The following DLEC1 variants were observed in gnomAD, a reference collection of about 807,000 sequenced individuals.
DLEC1 encodes the protein DLEC1 cilia and flagella associated protein, also known as deleted in lung and esophageal cancer protein 1.
DLEC1 carries 146 observed loss-of-function variants against 198.1 expected under a neutral mutation model. The observed-to-expected ratio is 0.74, with a 90% CI of 0.64 to 0.85. The LOEUF is 0.85. DLEC1 is among the 40% of genes least tolerant of loss of function. The pLI is 0.00. For synonymous variants in DLEC1, 897 were observed against 866.8 expected (o/e 1.03, Z -0.61); for missense variants, 2,233 against 2,220.0 (o/e 1.01, Z -0.12).
chr3:38,086,145 T>C, intron 8 of DLEC1, 96 bp from the exon 9 acceptor site: 1 of 1,502,138 alleles, frequency 6.7e-7, no homozygotes, highest in Non-Finnish European at 9.0e-7. Flanking sequence ...GGACCAGCTG[T>C]CCTGATCTCT....
At chr3:38,070,562 C>T (rs1262058465) in intron 6 of DLEC1, among the ~76,000 whole-genome samples, 1 of 152,182 alleles carries the variant, frequency 6.6e-6, no homozygotes, top group Non-Finnish European at 1.5e-5. Flanking sequence ...TTTTAATCAC[C>T]TGGGTGCAGG....
At chr3:38,079,965 C>T (rs981223103) in intron 6 of DLEC1, among the ~76,000 whole-genome samples, 13 of 151,894 alleles carry the variant, frequency 8.6e-5, no homozygotes, top group African/African-American at 2.2e-4. Context: ...ATGTCAGGAG[C>T]GGATTGGGTA....
At chr3:38,064,180 C>T (rs1696866785) in intron 6 of DLEC1, among the ~76,000 whole-genome samples, 1 of 151,836 alleles carries the variant, frequency 6.6e-6, no homozygotes, top group South Asian at 2.1e-4. Flanking sequence ...GTTTGTGTCC[C>T]TGGGTACTTG....
At chr3:38,100,069 T>C (rs1699226769) in intron 18 of DLEC1, among the ~76,000 whole-genome samples, 2 of 152,210 alleles carry the variant, frequency 1.3e-5, no homozygotes, top group African/African-American at 2.4e-5. Context: ...CTCTGACTTA[T>C]GTATTCCTTT....
rs146986613 is a variant in DLEC1 at position 38,123,622 on chromosome 3, G to A, written c.*1210G>A. 4 of 157,170 alleles carry A rather than the reference G, an allele frequency of 2.5e-5. No homozygotes were observed. Among genetic ancestry groups the A allele is most frequent in the African/African-American group, 9.6e-5 (4 of 41,616 alleles). 9.7% of individuals were successfully genotyped at this position (157,170 alleles called of 1,614,324 possible). ...GCAGGCTGAGGCAAGAGGATCACTT[G>A]TGCCTAGGAGTTCAAGACCAGCCTA... is the stretch of plus-strand genomic sequence containing the variant. On this transcript the variant is annotated 3_prime_UTR_variant, in exon 37 of 37. Transcript: ENST00000308059.
chr3:38,076,774 C>T (rs1312474354), intron 6 of DLEC1, among the ~76,000 whole-genome samples: 2 of 152,056 alleles, frequency 1.3e-5, no homozygotes, highest in African/African-American at 2.4e-5. Flanking sequence ...AAAAATAAAA[C>T]AAAATAGTGG....
intron 6 of DLEC1, among the ~76,000 whole-genome samples, chr3:38,082,984 C>T (rs1698138044): frequency 6.6e-6 from 1 of 151,568 alleles, no homozygotes; most frequent in South Asian, 2.1e-4. Context: ...TTTGTCTCTA[C>T]CAGAAAATGA....
rs749767723 is a variant in DLEC1 at position 38,084,185 on chromosome 3, A to G, written c.1201A>G (p.Thr401Ala). 10 of 1,612,962 alleles carry G rather than the reference A, an allele frequency of 6.2e-6. No individual in the cohort carries two copies. The highest frequency in any genetic ancestry group is 5.9e-6 in the Non-Finnish European group (7 of 1,179,418). ...EMVIALQNTT[T>A]TSRYLRVLPP... ...GGTAATTGCGCTGCAGAACACCACC[A>G]CGACCAGCCGCTACCTGCGAGTCCT... Residue 401 changes from threonine to alanine, a missense_variant, in exon 7 of 37, where the codon ACG becomes GCG. By Grantham distance (58) the Thr-to-Ala change is moderately conservative. Transcript: ENST00000308059.
chr3:38,101,835 G>A (rs895589677), intron 19 of DLEC1, among the ~76,000 whole-genome samples: 7 of 152,164 alleles, frequency 4.6e-5, no homozygotes, highest in African/African-American at 1.7e-4. Context: ...AGATGTGAAG[G>A]CTAAGTCTGC....
At chr3:38,063,995 T>TA in intron 6 of DLEC1, 76 bp downstream of exon 6, 3 of 1,038,534 alleles carry the variant, frequency 2.9e-6, no homozygotes, top group Non-Finnish European at 4.2e-6. Flanking sequence ...ATGGAAATTT[T>TA]CTTTTTTTTT....
Position 38,122,355 on chromosome 3 carries a change from G to A in DLEC1, c.5211G>A (p.Leu1737=). The change falls in exon 37 of 37, where the codon CTG becomes CTA. Residue 1737 remains leucine, a synonymous_variant. Coordinates refer to ENST00000308059, the MANE Select transcript of DLEC1 (RefSeq NM_007335.4). ...TGCTCGGTGAGAAGTCCTGCACCCT[G>A]CGGCTCCGGGGCCAAGGCTCCTATG... ...EGVLGEKSCT[L]RLRGQGSYDE... is the part of the protein sequence containing the mutation. The A allele has an allele frequency of 6.2e-7, 1 of 1,614,184 alleles. No individual in the cohort carries two copies. The highest frequency in any genetic ancestry group is 8.5e-7 in the Non-Finnish European group (1 of 1,180,036).
At chr3:38,117,732 C>T in intron 32 of DLEC1, 74 bp from the exon 33 acceptor site, 1 of 1,592,338 alleles carries the variant, frequency 6.3e-7, no homozygotes, top group South Asian at 1.1e-5. Flanking sequence ...GCCCTCCCAG[C>T]CCTACCCTAG....
chr3:38,063,185 A>G lies in DLEC1; in HGVS notation c.1094+384A>G, dbSNP rs1043524324. Among the ~76,000 whole-genome samples, 76 of 152,376 alleles carry G rather than the reference A, an allele frequency of 5.0e-4. 2 individuals are homozygous for G. In the Middle Eastern group the frequency reaches 0.01, roughly 20 times the overall value. On this transcript the variant is annotated intron_variant, in intron 5 of 36. Transcript: ENST00000308059. Reference sequence around the variant, plus strand: ...TTTCTTTAAGAGTGCCTTTGCCTATATATCAGTAACTGTCCTTATGAAAGT... The same window carrying G: ...TTTCTTTAAGAGTGCCTTTGCCTATGTATCAGTAACTGTCCTTATGAAAGT...
chr3:38,108,562 C>A, intron 21 of DLEC1, 47 bp downstream of exon 21: 1 of 1,462,458 alleles, frequency 6.8e-7, no homozygotes, highest in Non-Finnish European at 9.5e-7. Flanking sequence ...GGCACCCTGC[C>A]AACCATACGC....
chr3:38,122,145 G>A lies in DLEC1; in HGVS notation c.5095G>A (p.Ala1699Thr), dbSNP rs199840504. The A allele has an allele frequency of 8.3e-4, 1,338 of 1,613,972 alleles. 2 individuals carry two copies. Among genetic ancestry groups the A allele is most frequent in the Non-Finnish European group, 1.0e-3 (1,235 of 1,179,990 alleles). The change falls in exon 36 of 37, where the codon GCC (alanine) becomes ACC (threonine). Residue 1699 changes from alanine to threonine, a missense_variant. Transcript: ENST00000308059. ...CAGTGGGCTGCTAGAAGCACGATCC[G>A]CCAATGCACCCCCAACCTCCATCGC... The part of the protein sequence containing the change: ...PNSGLLEARS[A>T]NAPPTSIALQ...
chr3:38,118,831 C>T (rs1031615186), intron 33 of DLEC1, among the ~76,000 whole-genome samples: 4 of 152,146 alleles, frequency 2.6e-5, no homozygotes, highest in African/African-American at 9.7e-5. Flanking sequence ...ATTTCCAGAG[C>T]CTCAGTGAAC....
chr3:38,122,716 A>C lies in DLEC1; in HGVS notation c.*304A>C. On this transcript the variant is annotated 3_prime_UTR_variant, in exon 37 of 37. Transcript: ENST00000308059. ...GGAAAAAAACCACAGCCACTAAGAT[A>C]AATTCATGCACTTTTACTATGCCCA... 1 of 1,370,924 alleles carries C rather than the reference A, an allele frequency of 7.3e-7. No homozygotes were observed. 84.9% of individuals were successfully genotyped at this position (1,370,924 alleles called of 1,614,324 possible). A position where few individuals can be genotyped will look rare whatever the true frequency, so the allele number is the denominator to read the frequency against.
intron 6 of DLEC1, among the ~76,000 whole-genome samples, chr3:38,079,607 T>G (rs1388214699): frequency 6.6e-6 from 1 of 152,160 alleles, no homozygotes; most frequent in Non-Finnish European, 1.5e-5. Context: ...TTCCAGGGGC[T>G]CTGGGAGTGG....
At chr3:38,111,818 C>T in intron 24 of DLEC1, 71 bp downstream of exon 24, 1 of 1,534,570 alleles carries the variant, frequency 6.5e-7, no homozygotes, top group Non-Finnish European at 8.8e-7. Flanking sequence ...TGGATGTGGG[C>T]TGGCAGCTGC....
Sources: gnomAD v4.1 joint callset for allele counts (sites outside exome capture counted in the v4.1 genomes callset) on GRCh38, gnomAD v4.1.1 for gene constraint, MANE v1.5 for transcripts, NCBI Gene and HGNC (gene_info 2026-07-23, HGNC 2026-07-21) for gene names.